The following TEX9 variants were observed in gnomAD, a reference collection of about 807,000 sequenced individuals.
The protein encoded by TEX9 is testis-expressed protein 9.
TEX9 carries 74 observed loss-of-function variants against 59.6 expected under a neutral mutation model. That is an observed-to-expected ratio of 1.24 (90% CI 1.03 to 1.51). The LOEUF (loss-of-function observed/expected upper bound fraction) is 1.51, where lower values mean the gene tolerates loss of function less well. Among genes scored for constraint, TEX9 ranks in the 40% most tolerant of loss-of-function variants. TEX9 has a pLI of 0.00. For missense variants in TEX9, 522 were observed against 447.8 expected (o/e 1.17, Z -1.49); for synonymous variants, 186 against 152.2 (o/e 1.22, Z -1.64).
chr15:56,272,948 TTG>T (rs1227100922), intron 1 of TEX9, among the ~76,000 whole-genome samples: 113 of 121,024 alleles, frequency 9.3e-4, no homozygotes, highest in African/African-American at 4.0e-3. Flanking sequence ...ATTTTTTTTG[TTG>T]TTGTTGTTGT....
intron 1 of TEX9, among the ~76,000 whole-genome samples, chr15:56,288,720 T>A (rs1195395164): frequency 1.3e-5 from 2 of 152,192 alleles, no homozygotes; most frequent in African/African-American, 4.8e-5. Context: ...GGTGTAGTCT[T>A]GTTTGTATTG....
intron 12 of TEX9, among the ~76,000 whole-genome samples, chr15:56,435,873 G>A (rs1002073873): frequency 1.3e-5 from 2 of 151,918 alleles, no homozygotes; most frequent in Admixed American, 6.6e-5. Context: ...AATATTCCTC[G>A]TGAATATGGA....
At chr15:56,422,126 G>A (rs2050007738) in intron 10 of TEX9, among the ~76,000 whole-genome samples, 2 of 146,238 alleles carry the variant, frequency 1.4e-5, no homozygotes, top group African/African-American at 5.1e-5. Context: ...GGGAGGGATA[G>A]CATTAGGAGA....
At chr15:56,251,420 C>A (rs1347749430) in intron 1 of TEX9, among the ~76,000 whole-genome samples, 1 of 152,122 alleles carries the variant, frequency 6.6e-6, no homozygotes, top group Non-Finnish European at 1.5e-5. Context: ...ACATTTGACA[C>A]CATGACAATC....
chr15:56,273,357 C>T (rs1414810610), intron 1 of TEX9, among the ~76,000 whole-genome samples: 1 of 152,118 alleles, frequency 6.6e-6, no homozygotes, highest in Non-Finnish European at 1.5e-5. Flanking sequence ...CAATTAATCA[C>T]AGTTTACCTT....
intron 8 of TEX9, 75 bp from the exon 9 acceptor site, chr15:56,394,586 C>A (rs559061673): frequency 1.9e-6 from 2 of 1,072,530 alleles, no homozygotes; most frequent in Non-Finnish European, 2.7e-6. Flanking sequence ...ACATATGAAA[C>A]GTCTTTTTTT....
At chr15:56,370,135 A>G (rs755573275) in intron 2 of TEX9, among the ~76,000 whole-genome samples, 4 of 151,708 alleles carry the variant, frequency 2.6e-5, no homozygotes, top group Middle Eastern at 3.4e-3. Flanking sequence ...TATTTTTTAT[A>G]TTTTCTATTA....
At chr15:56,307,065 T>C (rs1169146680) in intron 1 of TEX9, among the ~76,000 whole-genome samples, 3 of 152,182 alleles carry the variant, frequency 2.0e-5, no homozygotes, top group South Asian at 2.1e-4. Context: ...TAATTATTTA[T>C]CTAAAATACA....
intron 1 of TEX9, among the ~76,000 whole-genome samples, chr15:56,277,354 G>A (rs2044696722): frequency 6.6e-6 from 1 of 152,156 alleles, no homozygotes; most frequent in South Asian, 2.1e-4. Flanking sequence ...TTTTGTTTAA[G>A]GTTTAAGGAA....
At chr15:56,380,880 A>G (rs2047694094) in intron 3 of TEX9, among the ~76,000 whole-genome samples, 1 of 152,054 alleles carries the variant, frequency 6.6e-6, no homozygotes, top group South Asian at 2.1e-4. Flanking sequence ...GAGTTTGATT[A>G]TTAAATGCCT....
intron 12 of TEX9, among the ~76,000 whole-genome samples, chr15:56,435,902 A>G (rs2050716242): frequency 6.6e-6 from 1 of 152,038 alleles, no homozygotes; most frequent in African/African-American, 2.4e-5. Flanking sequence ...TCCTTAACCC[A>G]ATATTAGAAA....
At chr15:56,316,575 A>G (rs1434308369) in intron 1 of TEX9, among the ~76,000 whole-genome samples, 1 of 151,578 alleles carries the variant, frequency 6.6e-6, no homozygotes, top group Non-Finnish European at 1.5e-5. Flanking sequence ...GGGACATTTA[A>G]GGCTGCAGAG....
intron 2 of TEX9, among the ~76,000 whole-genome samples, chr15:56,370,099 A>G (rs1215787652): frequency 6.6e-6 from 1 of 152,142 alleles, no homozygotes; most frequent in East Asian, 1.9e-4. Flanking sequence ...ACATTATTAC[A>G]TAACTTGAAG....
intron 9 of TEX9, 52 bp from the exon 10 acceptor site, chr15:56,412,250 G>A: frequency 2.0e-6 from 3 of 1,523,156 alleles, no homozygotes; most frequent in Non-Finnish European, 2.7e-6. Flanking sequence ...AATGATAAAG[G>A]GGGAAACTAT....
chr15:56,391,653 C>T (rs1162451251), intron 7 of TEX9, among the ~76,000 whole-genome samples: 1 of 151,726 alleles, frequency 6.6e-6, no homozygotes, highest in Non-Finnish European at 1.5e-5. Flanking sequence ...GTTCATTGAA[C>T]TCGCCTACTT....
rs36000868 is a variant in TEX9 at position 56,389,695 on chromosome 15, G to GT, written c.395+305dup. Among the ~76,000 whole-genome samples the GT allele has an allele frequency of 2.4e-3, 351 of 148,950 alleles. 7 individuals are homozygous for GT. The highest frequency in any genetic ancestry group is 7.4e-3 in the African/African-American group (299 of 40,244). ...CTCTTAGAACTGTGACTACAACTGG[G>GT]TTTTTTTTTTAATCTCTGCCTAGTT... On this transcript the variant is annotated intron_variant, in intron 6 of 12. Coordinates refer to ENST00000352903, the Ensembl canonical transcript of TEX9.
At chr15:56,372,871 A>T (rs2725869) in intron 2 of TEX9, among the ~76,000 whole-genome samples, 4,766 of 152,238 alleles carry the variant, frequency 0.031, 183 homozygotes, top group East Asian at 0.093. Flanking sequence ...TCATAATTAA[A>T]AAAGGAGTGA....
At chr15:56,404,323 G>T (rs1338132175) in intron 9 of TEX9, among the ~76,000 whole-genome samples, 2 of 152,140 alleles carry the variant, frequency 1.3e-5, no homozygotes, top group Non-Finnish European at 2.9e-5. Context: ...AGTGGGCAAA[G>T]GATATGAACA....
intron 1 of TEX9, among the ~76,000 whole-genome samples, chr15:56,274,262 C>G (rs2044617965): frequency 6.6e-6 from 1 of 152,128 alleles, no homozygotes; most frequent in African/African-American, 2.4e-5. Flanking sequence ...GTTTTGAGTG[C>G]ATTGAAAGTA....
Sources: allele counts gnomAD v4.1 joint callset (sites outside exome capture counted in the v4.1 genomes callset), GRCh38; gene constraint gnomAD v4.1.1; transcripts MANE v1.5; gene names NCBI Gene and HGNC (gene_info 2026-07-23, HGNC 2026-07-21).